The following RELN variants were observed in gnomAD, a reference collection of about 807,000 sequenced individuals.
RELN encodes the protein reelin.
RELN carries 108 observed loss-of-function variants against 427.6 expected under a neutral mutation model. That is an observed-to-expected ratio of 0.25 (90% CI 0.22 to 0.30). The LOEUF (loss-of-function observed/expected upper bound fraction) is 0.30. Ranked by LOEUF, RELN falls within the 10% of genes least tolerant of loss-of-function variation. RELN has a pLI of 1.00. For synonymous variants in RELN, 1,524 were observed against 1,513.4 expected (o/e 1.01, Z -0.16); for missense variants, 3,715 against 4,302.8 (o/e 0.86, Z 3.82).
At chr7:103,510,630 T>TA (rs1174466464) in intron 51 of RELN, among the ~76,000 whole-genome samples, 3 of 151,708 alleles carry the variant, frequency 2.0e-5, no homozygotes, top group Non-Finnish European at 2.9e-5. Flanking sequence ...TAAAGTATAA[T>TA]AAAAAAAGAT....
chr7:103,582,686 A>G (rs1311330293), intron 28 of RELN, among the ~76,000 whole-genome samples: 1 of 152,206 alleles, frequency 6.6e-6, no homozygotes. Flanking sequence ...GAGCACAACC[A>G]GCTTATCTTG....
At chr7:103,554,889 T>C (rs149976294) in intron 38 of RELN, among the ~76,000 whole-genome samples, 3,274 of 152,308 alleles carry the variant, frequency 0.021, 83 homozygotes, top group Admixed American at 0.071. Flanking sequence ...GGCCAACCCA[T>C]GGCTTAGCAC....
chr7:103,847,366 T>C (rs1346854915), intron 2 of RELN, among the ~76,000 whole-genome samples: 1 of 151,978 alleles, frequency 6.6e-6, no homozygotes, highest in African/African-American at 2.4e-5. Flanking sequence ...AGTTGAACAA[T>C]GAGAACACAC....
intron 3 of RELN, among the ~76,000 whole-genome samples, chr7:103,826,318 CAA>C (rs1491321138): frequency 1.6e-4 from 10 of 64,062 alleles, no homozygotes; most frequent in South Asian, 6.5e-4. Context: ...CAGACTAAGA[CAA>C]TGTGTGTGTG....
intron 2 of RELN, among the ~76,000 whole-genome samples, chr7:103,866,420 T>G (rs887959261): frequency 6.6e-6 from 1 of 152,114 alleles, no homozygotes; most frequent in African/African-American, 2.4e-5. Context: ...ATGAGCTGGC[T>G]TCTCTTTAGG....
intron 16 of RELN, among the ~76,000 whole-genome samples, chr7:103,647,686 A>G (rs1418349890): frequency 1.3e-5 from 2 of 151,948 alleles, no homozygotes; most frequent in Non-Finnish European, 2.9e-5. Context: ...CATTTTTCAC[A>G]TAATTAGAAA....
chr7:103,716,902 G>A (rs371817022), intron 8 of RELN, among the ~76,000 whole-genome samples: 1 of 152,136 alleles, frequency 6.6e-6, no homozygotes, highest in Admixed American at 6.5e-5. Flanking sequence ...GTGTTTGAGA[G>A]ACCATTTGGT....
chr7:103,887,683 A>G (rs1262525638), intron 2 of RELN, among the ~76,000 whole-genome samples: 1 of 152,140 alleles, frequency 6.6e-6, no homozygotes, highest in Non-Finnish European at 1.5e-5. Context: ...AGATCAACAC[A>G]GTCTAGAAAA....
At chr7:103,642,372 A>G (rs1181386286) in intron 16 of RELN, among the ~76,000 whole-genome samples, 5 of 132,712 alleles carry the variant, frequency 3.8e-5, no homozygotes, top group Admixed American at 3.2e-4. Flanking sequence ...TTTTTTGGCA[A>G]GTAAGCACAA....
At chr7:103,551,948 T>C (rs1006894386) in intron 40 of RELN, among the ~76,000 whole-genome samples, 5 of 148,518 alleles carry the variant, frequency 3.4e-5, no homozygotes, top group East Asian at 2.1e-4. Context: ...GGTGTGTGTG[T>C]GTGTGTGTGT....
chr7:103,962,514 T>C (rs1156656070), intron 1 of RELN, among the ~76,000 whole-genome samples: 1 of 149,138 alleles, frequency 6.7e-6, no homozygotes, highest in Non-Finnish European at 1.5e-5. Context: ...TGCCAGGAGG[T>C]CGTTGCACTG....
chr7:103,628,563 G>A (rs1428723733), intron 20 of RELN, among the ~76,000 whole-genome samples: 4 of 152,160 alleles, frequency 2.6e-5, no homozygotes, highest in Non-Finnish European at 5.9e-5. Flanking sequence ...TGCTGTGTGT[G>A]AGATCTGACT....
At chr7:103,588,615 A>G (rs892269235) in intron 28 of RELN, among the ~76,000 whole-genome samples, 1 of 152,190 alleles carries the variant, frequency 6.6e-6, no homozygotes, top group Non-Finnish European at 1.5e-5. Context: ...GACATACAAA[A>G]GTGTAAAAGC....
intron 20 of RELN, among the ~76,000 whole-genome samples, chr7:103,619,315 A>G (rs1352006542): frequency 6.6e-6 from 1 of 152,066 alleles, no homozygotes; most frequent in East Asian, 1.9e-4. Flanking sequence ...CTCTTCTTCT[A>G]ACTGGGCTAT....
intron 3 of RELN, among the ~76,000 whole-genome samples, chr7:103,788,634 T>A (rs1168911076): frequency 6.6e-6 from 1 of 152,160 alleles, no homozygotes; most frequent in Non-Finnish European, 1.5e-5. Context: ...TTACAAGGGA[T>A]GTGAAGGAAC....
chr7:103,948,999 G>C (rs1343662294), intron 1 of RELN, among the ~76,000 whole-genome samples: 1 of 138,874 alleles, frequency 7.2e-6, no homozygotes, highest in African/African-American at 2.8e-5. Context: ...TCCAGCCTGG[G>C]TGATGGAATG....
chr7:103,660,385 CTAT>C (rs1387221447), intron 12 of RELN, among the ~76,000 whole-genome samples: 1 of 152,086 alleles, frequency 6.6e-6, no homozygotes, highest in African/African-American at 2.4e-5. Flanking sequence ...AAATGTGAGA[CTAT>C]ATTACTTTAT....
intron 3 of RELN, among the ~76,000 whole-genome samples, chr7:103,778,358 GAC>G (rs1791798863): frequency 6.6e-6 from 1 of 152,072 alleles, no homozygotes; most frequent in Middle Eastern, 3.2e-3. Flanking sequence ...CTTTGGAAGG[GAC>G]ACATTTTCTG....
chr7:103,986,048 C>T (rs1797090644), intron 1 of RELN, among the ~76,000 whole-genome samples: 1 of 147,822 alleles, frequency 6.8e-6, no homozygotes, highest in Admixed American at 6.7e-5. Flanking sequence ...AGGATTTGTG[C>T]AAAAAAAAAG....
Sources: gnomAD v4.1 joint callset for allele counts (sites outside exome capture counted in the v4.1 genomes callset) on GRCh38, gnomAD v4.1.1 for gene constraint, MANE v1.5 for transcripts, NCBI Gene and HGNC (gene_info 2026-07-23, HGNC 2026-07-21) for gene names.